Variants in HNRNPL observed in about 807,000 individuals in gnomAD.
HNRNPL encodes the protein epididymis secretory sperm binding protein.
Under a neutral mutation model 64.0 loss-of-function variants are expected in HNRNPL, and 12 were observed. That is an observed-to-expected ratio of 0.19 (90% CI 0.12 to 0.30). HNRNPL has a LOEUF of 0.30. Ranked by LOEUF, HNRNPL falls within the 10% of genes least tolerant of loss-of-function variation. HNRNPL has a pLI of 1.00. For synonymous variants in HNRNPL, 385 were observed against 313.0 expected (o/e 1.23, Z -2.43); for missense variants, 484 against 797.4 (o/e 0.61, Z 4.73).
chr19:38,837,600 C>T lies in HNRNPL; in HGVS notation c.1609G>A (p.Gly537Ser). 6.2e-7 allele frequency: 1 copy of T among 1,614,244 alleles called. No homozygotes were observed. Among genetic ancestry groups the T allele is most frequent in the Non-Finnish European group, 8.5e-7 (1 of 1,180,042 alleles). The change falls in exon 11 of 13, where the codon GGC becomes AGC. Residue 537 changes from glycine to serine, a missense_variant. This residue lies in a region of HNRNPL where 69 missense variants were observed against 91.8 expected (regional missense o/e 0.75). Coordinates refer to ENST00000221419, the MANE Select transcript of HNRNPL (RefSeq NM_001533.3). ...KRPSSVKVFS[G>S]KSERSSSGLL... ...GTGGGCACACTCGACTCACTTTTGC[C>T]TGAGAATACTTTCACAGAAGATGGC...
At chr19:38,848,269 T>G (rs1292369657) in intron 1 of HNRNPL, among the ~76,000 whole-genome samples, 1 of 152,058 alleles carries the variant, frequency 6.6e-6, no homozygotes, top group Non-Finnish European at 1.5e-5. Flanking sequence ...TTTTTTGTAT[T>G]TTTAGTAGAG....
chr19:38,851,839 G>C (rs1332525430), upstream of HNRNPL, among the ~76,000 whole-genome samples: 2 of 152,126 alleles, frequency 1.3e-5, no homozygotes, highest in African/African-American at 4.8e-5. Flanking sequence ...AAAGTTAGGG[G>C]AGGGGGCCTT....
intron 12 of HNRNPL, 82 bp downstream of exon 12, chr19:38,837,302 G>A (rs1383751275): frequency 3.7e-6 from 4 of 1,079,584 alleles, no homozygotes; most frequent in Non-Finnish European, 5.7e-6. Context: ...CTATCTCAAG[G>A]GCAGGAAGGA....
chr19:38,839,454 G>T, intron 8 of HNRNPL: 1 of 177,856 alleles, frequency 5.6e-6, no homozygotes, highest in Non-Finnish European at 1.2e-5. Flanking sequence ...TAAAGGCTAT[G>T]TGAACCTGGG....
intron 1 of HNRNPL, among the ~76,000 whole-genome samples, chr19:38,848,937 A>G (rs977897649): frequency 2.6e-5 from 4 of 152,202 alleles, no homozygotes; most frequent in African/African-American, 7.2e-5. Flanking sequence ...AAGATTTTGG[A>G]AAGAGTGGGG....
chr19:38,838,343 A>T, intron 10 of HNRNPL, 54 bp downstream of exon 10: 1 of 1,448,112 alleles, frequency 6.9e-7, no homozygotes, highest in Non-Finnish European at 9.6e-7. Context: ...TGAATGGCCT[A>T]CTCAGACGGC....
At chr19:38,850,026 G>T, upstream of HNRNPL, 2 of 1,288,818 alleles carry the variant, frequency 1.6e-6, no homozygotes, top group Non-Finnish European at 2.0e-6. Context: ...CCCGTCACCC[G>T]CCGCCCCCAC....
intron 8 of HNRNPL, 22 bp downstream of exon 8, chr19:38,840,074 A>AG (rs1568368317): frequency 6.2e-7 from 1 of 1,612,218 alleles, no homozygotes; most frequent in South Asian, 1.1e-5. Flanking sequence ...CGAGGAACCC[A>AG]GGGGGCCCGG....
intron 12 of HNRNPL, chr19:38,837,036 C>G: frequency 1.9e-6 from 1 of 540,290 alleles, no homozygotes; most frequent in Non-Finnish European, 3.3e-6. Context: ...CTCCCAGCAA[C>G]TGGGTGGGCA....
chr19:38,843,398 G>GC (rs1568371059), intron 6 of HNRNPL: 1 of 187,088 alleles, frequency 5.3e-6, no homozygotes, highest in Non-Finnish European at 1.1e-5. Flanking sequence ...AAGGCTCACT[G>GC]CAAGAGCCCA....
chr19:38,839,042 C>A, intron 8 of HNRNPL, 27 bp from the exon 9 acceptor site: 1 of 1,612,002 alleles, frequency 6.2e-7, no homozygotes, highest in Non-Finnish European at 8.5e-7. Context: ...GCAGTCAGCA[C>A]CTCTGTCCAG....
chr19:38,840,379 G>T lies in HNRNPL; in HGVS notation c.953-3C>A. ...GTGGTACCCACCGTGGGGCCCTCCT[G>T]GGGGGTGGGAAGGAAAGAGAGGGAG... is the stretch of plus-strand genomic sequence containing the variant. On this transcript the variant is annotated splice_polypyrimidine_tract_variant and splice_region_variant and intron_variant, in intron 7 of 12. Transcript: ENST00000221419. 6.4e-7 allele frequency: 1 copy of T among 1,552,786 alleles called. No homozygotes were observed. Among genetic ancestry groups the T allele is most frequent in the Non-Finnish European group, 8.7e-7 (1 of 1,147,472 alleles).
intron 4 of HNRNPL, chr19:38,845,170 G>A (rs1972248978): frequency 6.8e-6 from 1 of 147,004 alleles, no homozygotes; most frequent in Non-Finnish European, 1.5e-5. Context: ...TGTAATCTGG[G>A]AGGCTGAGGC....
intron 8 of HNRNPL, chr19:38,839,482 G>A (rs1007614743): frequency 4.6e-5 from 8 of 174,608 alleles, no homozygotes; most frequent in African/African-American, 1.2e-4. Flanking sequence ...TTTAAGCCCC[G>A]TCCTCCACTT....
intron 6 of HNRNPL, chr19:38,841,165 A>G (rs1972105054): frequency 4.1e-6 from 1 of 242,816 alleles, no homozygotes. Flanking sequence ...TGTACAAGGC[A>G]TCGACATTCC....
intron 9 of HNRNPL, 79 bp from the exon 10 acceptor site, chr19:38,838,677 T>C (rs1972010369): frequency 6.9e-7 from 1 of 1,442,690 alleles, no homozygotes; most frequent in South Asian, 1.2e-5. Flanking sequence ...TCCAGAGGCT[T>C]AGCTTGCCCT....
At chr19:38,845,535 G>A (rs577535129) in intron 4 of HNRNPL, 115 bp downstream of exon 4, 2 of 808,546 alleles carry the variant, frequency 2.5e-6, no homozygotes, top group Non-Finnish European at 4.3e-6. Flanking sequence ...AAGGCATCTG[G>A]CACATGGCAG....
chr19:38,850,647 C>T (rs909276204), upstream of HNRNPL, among the ~76,000 whole-genome samples: 5 of 152,228 alleles, frequency 3.3e-5, no homozygotes, highest in African/African-American at 1.2e-4. Context: ...AGGCGGGGCC[C>T]CCTTATGGAG....
At chr19:38,839,040 C>T in intron 8 of HNRNPL, 25 bp from the exon 9 acceptor site, 2 of 1,611,886 alleles carry the variant, frequency 1.2e-6, no homozygotes, top group Non-Finnish European at 1.7e-6. Context: ...CTGCAGTCAG[C>T]ACCTCTGTCC....
Sources: allele counts gnomAD v4.1 joint callset (sites outside exome capture counted in the v4.1 genomes callset), GRCh38; gene constraint gnomAD v4.1.1; regional missense constraint gnomAD v4.1.1; transcripts MANE v1.5; gene names NCBI Gene and HGNC (gene_info 2026-07-23, HGNC 2026-07-21).